The following ADAM19 variants were observed in gnomAD, a reference collection of about 807,000 sequenced individuals.
The protein encoded by ADAM19 is disintegrin and metalloproteinase domain-containing protein 19.
Under a neutral mutation model 114.7 loss-of-function variants are expected in ADAM19, and 65 were observed. That is an observed-to-expected ratio of 0.57 (90% CI 0.46 to 0.70). The LOEUF (loss-of-function observed/expected upper bound fraction) is 0.70. ADAM19 is among the 30% of genes least tolerant of loss of function. The pLI is 0.00. For missense variants in ADAM19, 1,063 were observed against 1,204.7 expected (o/e 0.88, Z 1.74); for synonymous variants, 466 against 460.5 (o/e 1.01, Z -0.15).
intron 12 of ADAM19, among the ~76,000 whole-genome samples, chr5:157,502,035 C>A (rs1398398577): frequency 1.3e-5 from 2 of 152,034 alleles, no homozygotes; most frequent in East Asian, 1.9e-4. Context: ...CCAGCCTGGG[C>A]AACAGAGTGA....
At chr5:157,542,404 T>G (rs868480255) in intron 3 of ADAM19, among the ~76,000 whole-genome samples, 2 of 152,204 alleles carry the variant, frequency 1.3e-5, no homozygotes, top group Non-Finnish European at 2.9e-5. Flanking sequence ...TAACCCAGCA[T>G]AGAGGGAAAG....
intron 2 of ADAM19, among the ~76,000 whole-genome samples, chr5:157,567,806 A>T (rs568212587): frequency 9.3e-4 from 141 of 152,064 alleles, no homozygotes; most frequent in Admixed American, 2.2e-3. Flanking sequence ...TAAACAAAAA[A>T]AAAAAATAAA....
At chr5:157,551,698 A>G (rs1423768699) in intron 3 of ADAM19, among the ~76,000 whole-genome samples, 1 of 152,100 alleles carries the variant, frequency 6.6e-6, no homozygotes, top group Non-Finnish European at 1.5e-5. Context: ...ACAAGACTAT[A>G]TAAGGAGCTC....
intron 21 of ADAM19, among the ~76,000 whole-genome samples, chr5:157,486,543 C>T (rs557999075): frequency 2.0e-5 from 3 of 152,236 alleles, no homozygotes; most frequent in Admixed American, 6.5e-5. Flanking sequence ...GCTGGGTCCC[C>T]GCTGTCCCTG....
At chr5:157,525,087 T>C (rs887257073) in intron 5 of ADAM19, among the ~76,000 whole-genome samples, 2 of 152,234 alleles carry the variant, frequency 1.3e-5, no homozygotes, top group Admixed American at 6.5e-5. Context: ...TCCCATTTTA[T>C]GGATGAGACA....
At chr5:157,520,608 G>A (rs112799586) in intron 5 of ADAM19, among the ~76,000 whole-genome samples, 8 of 152,230 alleles carry the variant, frequency 5.3e-5, no homozygotes, top group South Asian at 2.1e-4. Context: ...CTCTCCAAGC[G>A]TCAGTTTCCT....
rs1188316032 is a variant in ADAM19 at position 157,519,839 on chromosome 5, C to T, written c.600G>A (p.Arg200=). 1.9e-6 allele frequency: 3 copies of T among 1,607,180 alleles called. No homozygotes were observed. Among genetic ancestry groups the T allele is most frequent in the African/African-American group, 2.7e-5 (2 of 74,670 alleles). Residue 200 remains arginine (R), a splice_region_variant and synonymous_variant, in exon 6 of 23, where the codon AGG becomes AGA. Transcript: ENST00000257527. ...FTQQTKKRPR[R]MKREDLNSMK... is the part of the protein sequence containing the mutation. ...CTGCACTGAGAGCCTCAAAACTCAC[C>T]CTGCGAGGTCGCTTCTTGGTCTGTT... is the stretch of plus-strand genomic sequence containing the variant.
At chr5:157,531,689 A>AT (rs951313759) in intron 4 of ADAM19, among the ~76,000 whole-genome samples, 1 of 152,072 alleles carries the variant, frequency 6.6e-6, no homozygotes, top group African/African-American at 2.4e-5. Flanking sequence ...AAAAAAAAAA[A>AT]AGATGGTGTC....
chr5:157,479,249 T>C lies in ADAM19; in HGVS notation c.*1700A>G, dbSNP rs180860637. The C allele has an allele frequency of 1.1e-4, 110 of 985,852 alleles. 1 individual carries two copies. In the African/African-American group the frequency reaches 1.8e-3, roughly 16 times the overall value. The allele number at this position is 985,852 out of a possible 1,614,324, so 61.1% of individuals were successfully genotyped here. A position where few individuals can be genotyped will look rare whatever the true frequency, so the allele number is the denominator to read the frequency against. On this transcript the variant is annotated 3_prime_UTR_variant, in exon 23 of 23. Transcript: ENST00000257527. Reference sequence around the variant, plus strand: ...GCTTTTCCCCCAGGGGTACATCCCGTATTTTCCACTTATTTCCAAACCCAA... The same window carrying C: ...GCTTTTCCCCCAGGGGTACATCCCGCATTTTCCACTTATTTCCAAACCCAA...
intron 3 of ADAM19, among the ~76,000 whole-genome samples, chr5:157,541,831 T>C (rs1756926624): frequency 6.6e-6 from 1 of 152,200 alleles, no homozygotes; most frequent in African/African-American, 2.4e-5. Flanking sequence ...CTAAAATGAA[T>C]TTGCAAAACA....
chr5:157,505,888 A>T, intron 10 of ADAM19, 80 bp from the exon 11 acceptor site: 1 of 1,500,036 alleles, frequency 6.7e-7, no homozygotes, highest in Non-Finnish European at 9.0e-7. Context: ...ATCCTTAGCC[A>T]AGTCTTGCAG....
Position 157,500,746 on chromosome 5 carries a change from C to G in ADAM19, c.1309-1084G>C, listed in dbSNP as rs558877167. On this transcript the variant is annotated intron_variant, in intron 12 of 22. Transcript: ENST00000257527. ...TGGAACAGAAGATCTCCATGGGTTCCTTGCTCTCCCCCAGCCTGAGATTTT... is the reference window on the plus strand; with the variant it reads ...TGGAACAGAAGATCTCCATGGGTTCGTTGCTCTCCCCCAGCCTGAGATTTT... 4.6e-5 allele frequency among the ~76,000 whole-genome samples: 7 copies of G among 152,292 alleles called. No homozygotes were observed. In the South Asian group the frequency reaches 1.5e-3, roughly 32 times the overall value.
At chr5:157,543,687 T>C (rs1322086586) in intron 3 of ADAM19, among the ~76,000 whole-genome samples, 1 of 151,812 alleles carries the variant, frequency 6.6e-6, no homozygotes, top group Non-Finnish European at 1.5e-5. Context: ...AATACTAGTC[T>C]CTCTCCTTCT....
rs1030198954 is a variant in ADAM19, at chr5:157,478,830, G to A, written c.*2119C>T. On this transcript the variant is annotated 3_prime_UTR_variant, in exon 23 of 23. Coordinates refer to ENST00000257527, the MANE Select transcript of ADAM19 (RefSeq NM_033274.5). ...CTCTTTCTGGTGTGGTTCCAGGGAGGGTGGACTGCAGGTTCAGATGGCTCA... is the reference window on the plus strand; with the variant it reads ...CTCTTTCTGGTGTGGTTCCAGGGAGAGTGGACTGCAGGTTCAGATGGCTCA... The A allele has an allele frequency of 1.0e-6, 1 of 985,684 alleles. No homozygotes were observed. The highest frequency in any genetic ancestry group is 1.2e-6 in the Non-Finnish European group (1 of 829,946). The allele number at this position is 985,684 out of a possible 1,614,324, so 61.1% of individuals were successfully genotyped here.
At chr5:157,481,748 C>G in intron 22 of ADAM19, 43 bp downstream of exon 22, 1 of 1,554,370 alleles carries the variant, frequency 6.4e-7, no homozygotes. Flanking sequence ...CCCTGGAGCC[C>G]TCTGGTACCA....
intron 5 of ADAM19, among the ~76,000 whole-genome samples, chr5:157,522,489 T>G (rs548333841): frequency 1.6e-4 from 25 of 152,272 alleles, no homozygotes; most frequent in African/African-American, 5.5e-4. Flanking sequence ...GCCTCAATCA[T>G]GATAGTCCTG....
intron 5 of ADAM19, among the ~76,000 whole-genome samples, chr5:157,521,342 G>C (rs1340303387): frequency 6.6e-6 from 1 of 152,188 alleles, no homozygotes; most frequent in Non-Finnish European, 1.5e-5. Context: ...CATTTTGTAT[G>C]CTCTAAAACC....
chr5:157,540,617 C>T (rs937512478), intron 3 of ADAM19, among the ~76,000 whole-genome samples: 8 of 152,156 alleles, frequency 5.3e-5, no homozygotes, highest in African/African-American at 1.2e-4. Flanking sequence ...GTCTTCTCCC[C>T]GGCCCCCAGC....
chr5:157,514,245 A>C (rs1204995821), intron 7 of ADAM19, among the ~76,000 whole-genome samples: 2 of 152,124 alleles, frequency 1.3e-5, no homozygotes, highest in African/African-American at 4.8e-5. Context: ...CATCTTGCAC[A>C]CCACTCAGAT....
Sources: gnomAD v4.1 joint callset for allele counts (sites outside exome capture counted in the v4.1 genomes callset) on GRCh38, gnomAD v4.1.1 for gene constraint, MANE v1.5 for transcripts, NCBI Gene and HGNC (gene_info 2026-07-23, HGNC 2026-07-21) for gene names.